ENPP1: variants seen among roughly 807,000 people sequenced by gnomAD.
ENPP1 encodes ectonucleotide pyrophosphatase/phosphodiesterase 1, also known as ectonucleotide pyrophosphatase/phosphodiesterase family member 1.
A neutral mutation model predicts 122.8 loss-of-function variants in ENPP1; 73 were observed. The ratio of observed to expected loss-of-function variants is 0.59; its 90% CI spans 0.49 to 0.72. The LOEUF (loss-of-function observed/expected upper bound fraction) is 0.72. Among genes scored for constraint, ENPP1 ranks in the 30% least tolerant of loss-of-function variants. The pLI is 0.00. For synonymous variants in ENPP1, 367 were observed against 391.6 expected (o/e 0.94, Z 0.74); for missense variants, 978 against 1,128.1 (o/e 0.87, Z 1.91).
intron 1 of ENPP1, among the ~76,000 whole-genome samples, chr6:131,847,214 A>G (rs763523338): frequency 6.6e-6 from 1 of 152,206 alleles, no homozygotes; most frequent in Non-Finnish European, 1.5e-5. Flanking sequence ...TATTGCCTTT[A>G]ATGGATTGAT....
chr6:131,846,517 T>C (rs1204738494), intron 1 of ENPP1, among the ~76,000 whole-genome samples: 1 of 152,120 alleles, frequency 6.6e-6, no homozygotes, highest in Non-Finnish European at 1.5e-5. Flanking sequence ...GCCAAAAGCT[T>C]GCTCTAGGAA....
At chr6:131,857,452 A>G (rs1781962254) in intron 6 of ENPP1, among the ~76,000 whole-genome samples, 1 of 151,092 alleles carries the variant, frequency 6.6e-6, no homozygotes, top group African/African-American at 2.5e-5. Context: ...CATATACACC[A>G]TGGAATCCTA....
chr6:131,830,261 A>G (rs1781594327), intron 1 of ENPP1, among the ~76,000 whole-genome samples: 1 of 152,184 alleles, frequency 6.6e-6, no homozygotes, highest in Non-Finnish European at 1.5e-5. Context: ...TGCAATGCTC[A>G]GTGGATGTGA....
chr6:131,854,725 T>TA (rs1562521113), intron 5 of ENPP1, among the ~76,000 whole-genome samples: 1 of 152,142 alleles, frequency 6.6e-6, no homozygotes, highest in African/African-American at 2.4e-5. Flanking sequence ...TACGAAATGA[T>TA]AGAGCTTGTA....
intron 12 of ENPP1, 63 bp downstream of exon 12, chr6:131,868,189 T>C (rs1782114130): frequency 3.3e-6 from 4 of 1,221,570 alleles, no homozygotes; most frequent in African/African-American, 1.5e-5. Context: ...TACTTGATGG[T>C]TTCCCAATTT....
chr6:131,861,899 G>T (rs1360207133), intron 9 of ENPP1, among the ~76,000 whole-genome samples, 195 bp downstream of exon 9: 1 of 152,108 alleles, frequency 6.6e-6, no homozygotes, highest in Admixed American at 6.5e-5. Flanking sequence ...GCCAGCTGTG[G>T]TGGCTCACTC....
chr6:131,848,008 G>A (rs1781834850), intron 2 of ENPP1, among the ~76,000 whole-genome samples, 160 bp downstream of exon 2: 1 of 152,052 alleles, frequency 6.6e-6, no homozygotes, highest in Non-Finnish European at 1.5e-5. Context: ...TTTTCCTGAA[G>A]TTCTTGTATT....
At chr6:131,837,753 T>C (rs2114678031) in intron 1 of ENPP1, among the ~76,000 whole-genome samples, 1 of 152,226 alleles carries the variant, frequency 6.6e-6, no homozygotes, top group African/African-American at 2.4e-5. Flanking sequence ...GCTGACATAA[T>C]TATGAGGATG....
chr6:131,827,805 C>A, intron 1 of ENPP1: 1 of 1,031,876 alleles, frequency 9.7e-7, no homozygotes. Context: ...GGGGCAATGA[C>A]TGCTTTCTGG....
At chr6:131,852,955 G>A (rs1247215711) in intron 5 of ENPP1, among the ~76,000 whole-genome samples, 1 of 152,058 alleles carries the variant, frequency 6.6e-6, no homozygotes. Context: ...AAGAGTATGT[G>A]TGGAATTTAA....
intron 1 of ENPP1, among the ~76,000 whole-genome samples, chr6:131,829,754 A>G (rs1781587340): frequency 6.6e-6 from 1 of 152,228 alleles, no homozygotes; most frequent in South Asian, 2.1e-4. Context: ...CAGGAAGGGC[A>G]AAAGAAAAAG....
intron 1 of ENPP1, among the ~76,000 whole-genome samples, chr6:131,839,366 G>A (rs939252973): frequency 2.6e-5 from 4 of 151,828 alleles, no homozygotes; most frequent in Admixed American, 1.3e-4. Context: ...AATGACTGGT[G>A]AATCATGGTG....
intron 24 of ENPP1, among the ~76,000 whole-genome samples, 159 bp downstream of exon 24, chr6:131,886,883 C>T (rs1396205464): frequency 6.7e-6 from 1 of 150,158 alleles, no homozygotes; most frequent in African/African-American, 2.4e-5. Flanking sequence ...TTTAAGATGA[C>T]ATATCTTTGG....
intron 1 of ENPP1, among the ~76,000 whole-genome samples, chr6:131,837,096 G>T (rs895364215): frequency 1.3e-5 from 2 of 151,958 alleles, no homozygotes; most frequent in East Asian, 3.9e-4. Flanking sequence ...TTTACAAGCA[G>T]TGGTTTGGTA....
chr6:131,847,457 G>A (rs575650858), intron 1 of ENPP1, among the ~76,000 whole-genome samples: 2 of 152,228 alleles, frequency 1.3e-5, no homozygotes, highest in African/African-American at 2.4e-5. Context: ...ACACATCTAC[G>A]TGACTAGCCC....
At chr6:131,849,492 C>T (rs756680492) in intron 2 of ENPP1, among the ~76,000 whole-genome samples, 1 of 152,128 alleles carries the variant, frequency 6.6e-6, no homozygotes. Context: ...TCTGAACAAA[C>T]CCACTACTTC....
chr6:131,883,548 T>G (rs1208341635), intron 21 of ENPP1, 146 bp from the exon 22 acceptor site: 2 of 544,216 alleles, frequency 3.7e-6, no homozygotes, highest in Non-Finnish European at 3.4e-6. Context: ...ACATTACATT[T>G]TCCCTTGACC....
intron 1 of ENPP1, among the ~76,000 whole-genome samples, chr6:131,834,138 C>G (rs1781645638): frequency 6.6e-6 from 1 of 152,228 alleles, no homozygotes; most frequent in African/African-American, 2.4e-5. Context: ...TGACCTTTAA[C>G]TTCAGAGAGA....
intron 1 of ENPP1, among the ~76,000 whole-genome samples, chr6:131,833,159 C>G (rs1781634435): frequency 6.6e-6 from 1 of 152,154 alleles, no homozygotes; most frequent in Non-Finnish European, 1.5e-5. Context: ...TAGAAAGGAA[C>G]TTACACTTCT....
Sources: allele counts gnomAD v4.1 joint callset (sites outside exome capture counted in the v4.1 genomes callset), GRCh38; gene constraint gnomAD v4.1.1; transcripts MANE v1.5; gene names NCBI Gene and HGNC (gene_info 2026-07-23, HGNC 2026-07-21).